Variants in MB21D2 observed in about 807,000 individuals in gnomAD.
MB21D2 encodes Mab-21 domain containing 2, also known as nucleotidyltransferase MB21D2.
A neutral mutation model predicts 33.3 loss-of-function variants in MB21D2; 9 were observed. The observed-to-expected ratio is 0.27, with a 90% CI of 0.16 to 0.47. The LOEUF (loss-of-function observed/expected upper bound fraction) is 0.47. Ranked by LOEUF, MB21D2 falls within the 20% of genes least tolerant of loss-of-function variation. The probability of loss-of-function intolerance (pLI) is 0.99; values close to 1 mark genes in which losing one functional copy is unlikely to be tolerated. For synonymous variants in MB21D2, 241 were observed against 236.3 expected (o/e 1.02, Z -0.18); for missense variants, 540 against 624.6 (o/e 0.86, Z 1.44).
At chr3:192,823,800 TCAAATA>T (rs1163849039) in intron 1 of MB21D2, among the ~76,000 whole-genome samples, 4 of 152,172 alleles carry the variant, frequency 2.6e-5, no homozygotes, top group African/African-American at 9.7e-5. Flanking sequence ...CCTGTTTTAT[TCAAATA>T]AAGTTTTTTA....
rs938069780 is a variant in MB21D2, at chr3:192,846,993, T to C, written c.212-47343A>G. 2.6e-5 allele frequency among the ~76,000 whole-genome samples: 4 copies of C among 152,182 alleles called. No individual in the cohort carries two copies. In the East Asian group the frequency reaches 7.7e-4, roughly 29 times the overall value. On this transcript the variant is annotated intron_variant, in intron 1 of 1. Coordinates refer to ENST00000392452, the MANE Select transcript of MB21D2 (RefSeq NM_178496.4). ...TTTGAGGGTTCCCTGGACTCCTTTA[T>C]CTACAGGCAGCAATTAGAGCCCAGT...
chr3:192,852,223 T>C (rs73201140), intron 1 of MB21D2, among the ~76,000 whole-genome samples: 13 of 152,306 alleles, frequency 8.5e-5, no homozygotes, highest in Middle Eastern at 3.4e-3. Flanking sequence ...CCACTCAGCA[T>C]GCACAGCACC....
rs11272541 is a variant in MB21D2 at position 192,896,418 on chromosome 3, G to GTGGCTATTCACAGGTATGA, written c.211+21211_211+21212insTCATACCTGTGAATAGCCA. 2.5e-3 allele frequency among the ~76,000 whole-genome samples: 385 copies of GTGGCTATTCACAGGTATGA among 151,980 alleles called. 2 individuals carry two copies. Among genetic ancestry groups the GTGGCTATTCACAGGTATGA allele is most frequent in the African/African-American group, 9.1e-3 (377 of 41,444 alleles). ...TTTCTATGTTGTCCCCTGTTGTGCA[G>GTGGCTATTCACAGGTATGA]TCATAGTACACTGCAACTTCGACCT... On this transcript the variant is annotated intron_variant, in intron 1 of 1. Coordinates refer to ENST00000392452, the MANE Select transcript of MB21D2 (RefSeq NM_178496.4).
intron 1 of MB21D2, among the ~76,000 whole-genome samples, chr3:192,840,381 T>C (rs1712539432): frequency 6.6e-6 from 1 of 151,564 alleles, no homozygotes; most frequent in Non-Finnish European, 1.5e-5. Flanking sequence ...AACTTTGTGC[T>C]TGGGAGTATG....
intron 1 of MB21D2, among the ~76,000 whole-genome samples, chr3:192,888,739 CTAAGG>C (rs58705665): frequency 0.081 from 12,342 of 152,138 alleles, 565 homozygotes; most frequent in East Asian, 0.16. Flanking sequence ...CATTCTGTCA[CTAAGG>C]TATTTTATTT....
intron 1 of MB21D2, among the ~76,000 whole-genome samples, chr3:192,865,423 T>C (rs149354115): frequency 3.3e-5 from 5 of 152,298 alleles, no homozygotes; most frequent in East Asian, 1.9e-4. Flanking sequence ...GGATTGTATA[T>C]TGGAGAAATG....
intron 1 of MB21D2, among the ~76,000 whole-genome samples, chr3:192,893,776 T>G (rs1713905235): frequency 6.6e-6 from 1 of 152,150 alleles, no homozygotes; most frequent in African/African-American, 2.4e-5. Context: ...GGCTCATGTC[T>G]GTAATCTCAG....
intron 1 of MB21D2, among the ~76,000 whole-genome samples, chr3:192,874,873 T>C (rs1214380727): frequency 1.3e-5 from 2 of 152,172 alleles, no homozygotes; most frequent in African/African-American, 4.8e-5. Flanking sequence ...GCATCCGTTC[T>C]ACCAAATGAT....
At chr3:192,865,497 G>C (rs2108635411) in intron 1 of MB21D2, among the ~76,000 whole-genome samples, 1 of 152,340 alleles carries the variant, frequency 6.6e-6, no homozygotes, top group Admixed American at 6.5e-5. Context: ...AGGGCAAGAA[G>C]AGCAAGTACT....
intron 1 of MB21D2, among the ~76,000 whole-genome samples, chr3:192,903,819 G>A (rs184319977): frequency 1.3e-5 from 2 of 152,320 alleles, no homozygotes; most frequent in Admixed American, 1.3e-4. Context: ...TCATTTAAAA[G>A]TATGGGGGCA....
chr3:192,885,737 G>T (rs1160134661), intron 1 of MB21D2, among the ~76,000 whole-genome samples: 1 of 152,000 alleles, frequency 6.6e-6, no homozygotes. Flanking sequence ...CAGCAAGCTG[G>T]GACTCTGCCA....
intron 1 of MB21D2, among the ~76,000 whole-genome samples, chr3:192,830,373 C>T (rs1279173129): frequency 6.6e-6 from 1 of 151,972 alleles, no homozygotes; most frequent in Admixed American, 6.6e-5. Context: ...TGTTTAGGTT[C>T]CATTCCGCAC....
chr3:192,876,408 T>C (rs1412035389), intron 1 of MB21D2, among the ~76,000 whole-genome samples: 1 of 152,244 alleles, frequency 6.6e-6, no homozygotes, highest in East Asian at 1.9e-4. Context: ...TTCTCCATAA[T>C]TGCTGCTCTT....
chr3:192,893,344 C>T (rs563596923), intron 1 of MB21D2, among the ~76,000 whole-genome samples: 1 of 152,290 alleles, frequency 6.6e-6, no homozygotes, highest in East Asian at 1.9e-4. Context: ...ATCTCTACAT[C>T]TAACCCATCA....
chr3:192,903,361 G>A (rs1424059295), intron 1 of MB21D2, among the ~76,000 whole-genome samples: 2 of 152,170 alleles, frequency 1.3e-5, no homozygotes, highest in Non-Finnish European at 2.9e-5. Context: ...GGAGGAGGGA[G>A]GAAGTCAAGC....
chr3:192,883,650 T>A (rs913714440), intron 1 of MB21D2, among the ~76,000 whole-genome samples: 2 of 152,106 alleles, frequency 1.3e-5, no homozygotes, highest in African/African-American at 2.4e-5. Flanking sequence ...TGTAGTTGTA[T>A]CTCTGTGACA....
intron 1 of MB21D2, among the ~76,000 whole-genome samples, chr3:192,814,864 CAA>C (rs11370792): frequency 4.0e-5 from 5 of 124,976 alleles, no homozygotes; most frequent in Admixed American, 8.0e-5. Flanking sequence ...GACTCCATCC[CAA>C]AAAAAAAAAA....
At chr3:192,871,092 G>T (rs749669468) in intron 1 of MB21D2, among the ~76,000 whole-genome samples, 1 of 152,202 alleles carries the variant, frequency 6.6e-6, no homozygotes, top group African/African-American at 2.4e-5. Flanking sequence ...TCATGAACAT[G>T]AAAGTTTCCA....
At chr3:192,884,405 C>T (rs1160648663) in intron 1 of MB21D2, among the ~76,000 whole-genome samples, 3 of 151,886 alleles carry the variant, frequency 2.0e-5, no homozygotes, top group African/African-American at 4.9e-5. Flanking sequence ...CTTGCTCTGT[C>T]ACCCAGGCTG....
Sources: allele counts gnomAD v4.1 joint callset (sites outside exome capture counted in the v4.1 genomes callset), GRCh38; gene constraint gnomAD v4.1.1; transcripts MANE v1.5; gene names NCBI Gene and HGNC (gene_info 2026-07-23, HGNC 2026-07-21).